EXOSC10: variants seen among roughly 807,000 people sequenced by gnomAD.
EXOSC10 encodes exosome complex component 10.
In EXOSC10, 94 loss-of-function variants were observed where a neutral mutation model predicts 126.6. The observed-to-expected ratio is 0.74, with a 90% CI of 0.63 to 0.88. The LOEUF (loss-of-function observed/expected upper bound fraction) is 0.88. Among genes scored for constraint, EXOSC10 ranks in the 40% least tolerant of loss-of-function variants. The pLI is 0.00. For missense variants in EXOSC10, 1,041 were observed against 1,100.5 expected (o/e 0.95, Z 0.77); for synonymous variants, 395 against 400.8 (o/e 0.99, Z 0.17).
intron 9 of EXOSC10, among the ~76,000 whole-genome samples, chr1:11,085,617 TCTC>T (rs1640450983): frequency 6.6e-6 from 1 of 152,166 alleles, no homozygotes; most frequent in Admixed American, 6.5e-5. Context: ...TTTATTTCCT[TCTC>T]CTGCCTGATT....
Position 11,082,787 on chromosome 1 carries a change from C to A in EXOSC10, c.1181G>T (p.Arg394Leu), listed in dbSNP as rs201756050. The change falls in exon 10 of 25, where the codon CGC becomes CTC. Residue 394 changes from arginine to leucine, a missense_variant. Physicochemically the swap from Arg to Leu is moderately radical, Grantham distance 102. Transcript: ENST00000376936. The part of the protein sequence containing the change: ...VNMFDTHQAA[R>L]LLNLGRHSLD... ...TGAGTGCCTGCCCAGGTTAAGAAGGCGTGCTGCCTGATGAGTATCAAACAT... is the reference window on the plus strand; with the variant it reads ...TGAGTGCCTGCCCAGGTTAAGAAGGAGTGCTGCCTGATGAGTATCAAACAT... 110 of 1,614,048 alleles carry A rather than the reference C, an allele frequency of 6.8e-5. No individual in the cohort carries two copies. Among genetic ancestry groups the A allele is most frequent in the Non-Finnish European group, 2.1e-5 (25 of 1,180,044 alleles).
intron 3 of EXOSC10, among the ~76,000 whole-genome samples, chr1:11,092,189 T>A (rs1640842341): frequency 6.6e-6 from 1 of 152,172 alleles, no homozygotes; most frequent in Non-Finnish European, 1.5e-5. Context: ...TTTAGTAGAA[T>A]CCATATTTCA....
chr1:11,078,423 A>G (rs1332810332), intron 14 of EXOSC10, among the ~76,000 whole-genome samples: 3 of 151,748 alleles, frequency 2.0e-5, no homozygotes, highest in Non-Finnish European at 4.4e-5. Flanking sequence ...ACGCCTGGCT[A>G]ATTTTTTGTA....
intron 1 of EXOSC10, 27 bp downstream of exon 1, chr1:11,099,694 G>A (rs1459986598): frequency 1.3e-6 from 2 of 1,577,112 alleles, no homozygotes; most frequent in East Asian, 2.3e-5. Flanking sequence ...GGCGACTCCT[G>A]GTACCCCCGA....
intron 9 of EXOSC10, among the ~76,000 whole-genome samples, chr1:11,083,249 G>A (rs1158768745): frequency 6.6e-6 from 1 of 152,106 alleles, no homozygotes; most frequent in African/African-American, 2.4e-5. Context: ...TCACCTGGCT[G>A]AAGCCAATGT....
intron 20 of EXOSC10, 173 bp from the exon 21 acceptor site, chr1:11,071,146 CTCAGGT>C (rs2100949256): frequency 1.7e-6 from 1 of 598,088 alleles, no homozygotes; most frequent in East Asian, 2.8e-5. Flanking sequence ...AGAGCTCAGG[CTCAGGT>C]GCTCTGCCCA....
chr1:11,066,704 C>T lies in EXOSC10; in HGVS notation c.*14G>A, dbSNP rs756594461. Reference sequence around the variant, plus strand: ...TGGTGCTTCCGGTCCACAGGCGCCACGTGTCTTCCAGGACTATCTCTGTGG... The same window carrying T: ...TGGTGCTTCCGGTCCACAGGCGCCATGTGTCTTCCAGGACTATCTCTGTGG... On this transcript the variant is annotated 3_prime_UTR_variant, in exon 25 of 25. Coordinates refer to ENST00000376936, the MANE Select transcript of EXOSC10 (RefSeq NM_001001998.3). 8.1e-6 allele frequency: 13 copies of T among 1,613,994 alleles called. No homozygotes were observed. Among genetic ancestry groups the T allele is most frequent in the East Asian group, 6.7e-5 (3 of 44,894 alleles).
Position 11,068,047 on chromosome 1 carries a change from C to T in EXOSC10, c.2588G>A (p.Gly863Glu), listed in dbSNP as rs1372839283. ...IAAKKIKQSV[G>E]NKSMSFPTGK... ...AGTTGGAAAGGACATGCTTTTGTTT[C>T]CCACCGACTGTTTAATTTTTTTGGC... Residue 863 changes from glycine (G) to glutamate (E), a missense_variant, in exon 24 of 25, where the codon GGA (glycine) becomes GAA (glutamate). Gly to Glu is a moderately conservative substitution (Grantham distance 98). Transcript: ENST00000376936. 2.5e-6 allele frequency: 4 copies of T among 1,614,162 alleles called. No individual in the cohort carries two copies. Among genetic ancestry groups the T allele is most frequent in the Non-Finnish European group, 3.4e-6 (4 of 1,180,018 alleles).
intron 5 of EXOSC10, 103 bp from the exon 6 acceptor site, chr1:11,090,771 A>G: frequency 3.4e-6 from 3 of 894,942 alleles, no homozygotes; most frequent in Non-Finnish European, 5.1e-6. Flanking sequence ...TTTTTTTTTG[A>G]GACAGGGTCA....
intron 14 of EXOSC10, among the ~76,000 whole-genome samples, chr1:11,078,137 T>C (rs926512315): frequency 6.6e-6 from 1 of 152,056 alleles, no homozygotes; most frequent in Non-Finnish European, 1.5e-5. Flanking sequence ...TAGCTGGGTA[T>C]GGTGGTGTAT....
chr1:11,079,714 G>C lies in EXOSC10; in HGVS notation c.1746C>G (p.Leu582=). 6.2e-7 allele frequency: 1 copy of C among 1,612,682 alleles called. No homozygotes were observed. Among genetic ancestry groups the C allele is most frequent in the Non-Finnish European group, 8.5e-7 (1 of 1,179,182 alleles). ...LIQQAREMPL[L]KSEVAAGVKK... The stretch of plus-strand genomic sequence containing the variant: ...CAGCCGCAGAAAAGCTTCTTACCTT[G>C]AGCAGGGGCATCTCTCGGGCCTGCT... The change falls in exon 14 of 25, where the codon CTC becomes CTG. Residue 582 remains leucine, a synonymous_variant. Coordinates refer to ENST00000376936, the MANE Select transcript of EXOSC10 (RefSeq NM_001001998.3).
chr1:11,069,244 T>TGTGTGTGTGTGTGAGA, intron 22 of EXOSC10, among the ~76,000 whole-genome samples: 7 of 116,824 alleles, frequency 6.0e-5, no homozygotes, highest in Non-Finnish European at 9.8e-5. Context: ...TGTGTGTGTG[T>TGTGTGTGTGTGTGAGA]GAGAGAGAGA....
chr1:11,085,696 G>A (rs1394104021), intron 9 of EXOSC10, among the ~76,000 whole-genome samples: 3 of 151,998 alleles, frequency 2.0e-5, no homozygotes, highest in Non-Finnish European at 4.4e-5. Context: ...CCTGTCTTGT[G>A]CCAGTTTTCA....
chr1:11,081,160 C>T lies in EXOSC10; in HGVS notation c.1359G>A (p.Leu453=). 1 of 1,614,208 alleles carries T rather than the reference C, an allele frequency of 6.2e-7. No individual in the cohort carries two copies. The highest frequency in any genetic ancestry group is 2.2e-5 in the East Asian group (1 of 44,888). ...YLLYIYDKMR[L]EMWERGNGQP... ...GCCCGTTGCCGCGCTCCCACATCTC[C>T]AGCCTCATTTTGTCATAGATATATA... is the stretch of plus-strand genomic sequence containing the variant. Residue 453 remains leucine (L), a synonymous_variant, in exon 11 of 25, where the codon CTG becomes CTA. Transcript: ENST00000376936.
chr1:11,079,630 A>G, intron 14 of EXOSC10, 81 bp downstream of exon 14: 2 of 1,187,360 alleles, frequency 1.7e-6, no homozygotes, highest in Non-Finnish European at 1.2e-6. Flanking sequence ...CTGACCTGAA[A>G]TGATCCAGCC....
In EXOSC10 at chr1:11,090,560, T is replaced by C. The variant is rs1276889765; in HGVS notation, c.752A>G (p.Gln251Arg). 6.2e-7 allele frequency: 1 copy of C among 1,613,836 alleles called. No individual in the cohort carries two copies. The highest frequency in any genetic ancestry group is 1.7e-5 in the Admixed American group (1 of 59,984). Residue 251 changes from glutamine to arginine, a missense_variant, in exon 6 of 25, where the codon CAA (glutamine) becomes CGA (arginine). Physicochemically the swap from Gln to Arg is conservative, Grantham distance 43. Transcript: ENST00000376936. ...GACACAGGCCAACACTTACATGTCT[T>C]GCTCAACCTGCTGGGTTCTCTGCTG... ...IHQQRTQQVE[Q>R]DMFAHPYQYE... is the part of the protein sequence containing the mutation.
rs561657510 is a variant in EXOSC10 at position 11,072,069 on chromosome 1, C to T, written c.2242+18G>A. ...CATTCTTTAACAGCCGACTGAGTTG[C>T]AAGGAAGTGAGTGTTACCTGTTTGC... On this transcript the variant is annotated intron_variant, in intron 20 of 24. Transcript: ENST00000376936. The T allele has an allele frequency of 1.6e-4, 255 of 1,600,464 alleles. No individual in the cohort carries two copies. The highest frequency in any genetic ancestry group is 2.1e-4 in the Non-Finnish European group (248 of 1,171,442).
Position 11,099,849 on chromosome 1 carries a change from C to T in EXOSC10, c.-18G>A, listed in dbSNP as rs747248072. ...GGCGCCATTTTTTCAGCCTGCACGG[C>T]TCGTCTCGCGAGAGCTTGTCGGCCG... On this transcript the variant is annotated 5_prime_UTR_variant, in exon 1 of 25. Transcript: ENST00000376936. 5.0e-6 allele frequency: 8 copies of T among 1,589,548 alleles called. No individual in the cohort carries two copies. The highest frequency in any genetic ancestry group is 6.9e-6 in the Non-Finnish European group (8 of 1,167,578).
chr1:11,073,931 TAC>T lies in EXOSC10; in HGVS notation c.2157+1_2157+2del. 1 of 1,499,134 alleles carries T rather than the reference TAC, an allele frequency of 6.7e-7. No homozygotes were observed. Among genetic ancestry groups the T allele is most frequent in the South Asian group, 1.1e-5 (1 of 88,756 alleles). 92.9% of individuals were successfully genotyped at this position (1,499,134 alleles called of 1,614,324 possible). ...TTTTAGAACAGGTGACAAGTCCACT[TAC>T]TTCATAGATTTTGGTTGATGGATCG... On this transcript the variant is annotated splice_donor_variant, in intron 19 of 24. Transcript: ENST00000376936. LOFTEE classifies it high-confidence loss of function.
Sources: gnomAD v4.1 joint callset for allele counts (sites outside exome capture counted in the v4.1 genomes callset) on GRCh38, gnomAD v4.1.1 for gene constraint, MANE v1.5 for transcripts, NCBI Gene and HGNC (gene_info 2026-07-23, HGNC 2026-07-21) for gene names.